Variants in PDE4B observed in about 807,000 individuals in gnomAD.
PDE4B encodes the protein 3',5'-cyclic-AMP phosphodiesterase 4B.
In PDE4B, 20 loss-of-function variants were observed where a neutral mutation model predicts 82.2. The observed-to-expected ratio is 0.24, with a 90% confidence interval of 0.17 to 0.35. The LOEUF (loss-of-function observed/expected upper bound fraction) is 0.35, where lower values mean the gene tolerates loss of function less well. Among genes scored for constraint, PDE4B ranks in the 10% least tolerant of loss-of-function variants. The pLI, the probability that PDE4B is intolerant of heterozygous loss-of-function variation, is 1.00. For synonymous variants in PDE4B, 320 were observed against 318.9 expected, an observed-to-expected ratio of 1.00 and a Z score of -0.04; for missense variants, 655 against 907.2, an observed-to-expected ratio of 0.72 and a Z score of 3.57.
chr1:66,108,533 T>G (rs4655596), intron 3 of PDE4B, among the ~76,000 whole-genome samples: 9,572 of 152,000 alleles, frequency 0.063, 720 homozygotes, highest in East Asian at 0.31. Flanking sequence ...GAGAAAATAT[T>G]TGCAAACCAC....
chr1:66,361,562 G>T, intron 9 of PDE4B, 53 bp from the exon 10 acceptor site: 1 of 1,427,964 alleles, frequency 7.0e-7, no homozygotes, highest in Non-Finnish European at 9.6e-7. Flanking sequence ...GAATATTGCA[G>T]TGGATTCTCA....
At chr1:66,165,093 G>A (rs1478009058) in intron 3 of PDE4B, among the ~76,000 whole-genome samples, 1 of 151,982 alleles carries the variant, frequency 6.6e-6, no homozygotes, top group African/African-American at 2.4e-5. Flanking sequence ...TTGAATTCCT[G>A]CACTGCTGCT....
intron 1 of PDE4B, among the ~76,000 whole-genome samples, chr1:65,806,028 A>G (rs1215879491): frequency 6.6e-6 from 1 of 152,004 alleles, no homozygotes; most frequent in Non-Finnish European, 1.5e-5. Flanking sequence ...TTTTTCTTCT[A>G]TTATCAATTT....
intron 3 of PDE4B, among the ~76,000 whole-genome samples, chr1:65,959,720 G>A (rs1016522437): frequency 6.6e-6 from 1 of 152,104 alleles, no homozygotes; most frequent in Non-Finnish European, 1.5e-5. Context: ...ATGAGGGTCA[G>A]AAGAGGGTGC....
chr1:66,292,882 G>A (rs1657195115), intron 7 of PDE4B, among the ~76,000 whole-genome samples: 1 of 152,138 alleles, frequency 6.6e-6, no homozygotes, highest in Admixed American at 6.5e-5. Flanking sequence ...TCCTAAGGAA[G>A]TTTGAATGAA....
At chr1:66,140,041 C>G (rs1646140673) in intron 3 of PDE4B, among the ~76,000 whole-genome samples, 1 of 152,170 alleles carries the variant, frequency 6.6e-6, no homozygotes, top group African/African-American at 2.4e-5. Context: ...TCAAACTTAG[C>G]TTTTGCCTTA....
At chr1:66,138,458 G>T (rs1477815648) in intron 3 of PDE4B, among the ~76,000 whole-genome samples, 2 of 152,194 alleles carry the variant, frequency 1.3e-5, no homozygotes, top group Non-Finnish European at 2.9e-5. Context: ...GGCGGAGGTT[G>T]CAGTGAGCCG....
chr1:66,057,488 T>G (rs1264496205), intron 3 of PDE4B, among the ~76,000 whole-genome samples: 2 of 152,160 alleles, frequency 1.3e-5, no homozygotes, highest in Non-Finnish European at 2.9e-5. Flanking sequence ...ACATATTATA[T>G]TCGTTCATTT....
At chr1:66,327,588 T>C (rs1369086679) in intron 7 of PDE4B, among the ~76,000 whole-genome samples, 3 of 152,250 alleles carry the variant, frequency 2.0e-5, no homozygotes, top group Admixed American at 6.5e-5. Flanking sequence ...TATTCTCTGA[T>C]TCTACCTTTC....
intron 3 of PDE4B, among the ~76,000 whole-genome samples, chr1:66,124,313 G>A (rs1417305119): frequency 1.3e-5 from 2 of 152,110 alleles, no homozygotes; most frequent in Non-Finnish European, 2.9e-5. Flanking sequence ...ACAGTAATAC[G>A]AAACAGGATC....
intron 3 of PDE4B, among the ~76,000 whole-genome samples, chr1:65,956,006 T>G (rs764720607): frequency 1.3e-5 from 2 of 152,132 alleles, no homozygotes; most frequent in African/African-American, 2.4e-5. Context: ...TCACATAAAT[T>G]CATCTTTAGG....
chr1:65,909,123 T>C (rs1647059093), intron 1 of PDE4B, among the ~76,000 whole-genome samples: 1 of 152,128 alleles, frequency 6.6e-6, no homozygotes, highest in Non-Finnish European at 1.5e-5. Context: ...AAAACAGTTA[T>C]TGGAGAAAAA....
At chr1:66,104,308 T>A (rs1258771640) in intron 3 of PDE4B, among the ~76,000 whole-genome samples, 1 of 151,498 alleles carries the variant, frequency 6.6e-6, no homozygotes, top group Non-Finnish European at 1.5e-5. Context: ...ATGGTGTATA[T>A]GTGCCACATT....
chr1:66,156,550 A>G (rs773234415), intron 3 of PDE4B, among the ~76,000 whole-genome samples: 12 of 152,090 alleles, frequency 7.9e-5, no homozygotes, highest in Non-Finnish European at 1.5e-4. Flanking sequence ...CTGGGTAAGC[A>G]TTCTCTAATA....
At chr1:66,100,899 G>A (rs1156578306) in intron 3 of PDE4B, among the ~76,000 whole-genome samples, 1 of 152,128 alleles carries the variant, frequency 6.6e-6, no homozygotes, top group African/African-American at 2.4e-5. Flanking sequence ...TGTTGCATAT[G>A]TATACATGTG....
chr1:65,843,254 G>A (rs541614587), intron 1 of PDE4B, among the ~76,000 whole-genome samples: 3 of 152,060 alleles, frequency 2.0e-5, no homozygotes, highest in Non-Finnish European at 2.9e-5. Flanking sequence ...TCCAACACAC[G>A]AGAGACATAC....
intron 3 of PDE4B, among the ~76,000 whole-genome samples, chr1:66,094,188 G>C (rs1055323827): frequency 2.0e-5 from 3 of 152,024 alleles, no homozygotes; most frequent in African/African-American, 7.2e-5. Context: ...AATGGAGGAA[G>C]ACAATTCAAG....
At chr1:66,050,144 A>C (rs1318411484) in intron 3 of PDE4B, among the ~76,000 whole-genome samples, 2 of 152,078 alleles carry the variant, frequency 1.3e-5, no homozygotes, top group African/African-American at 4.8e-5. Flanking sequence ...ACTGTTGTCT[A>C]ATATAATATG....
chr1:65,890,386 A>T (rs1431284784), intron 1 of PDE4B, among the ~76,000 whole-genome samples: 1 of 152,084 alleles, frequency 6.6e-6, no homozygotes, highest in African/African-American at 2.4e-5. Context: ...AAACTGGGGA[A>T]TTCTGGAGAT....
Sources: gnomAD v4.1 joint callset for allele counts (sites outside exome capture counted in the v4.1 genomes callset) on GRCh38, gnomAD v4.1.1 for gene constraint, MANE v1.5 for transcripts, NCBI Gene and HGNC (gene_info 2026-07-23, HGNC 2026-07-21) for gene names.